TFPI: variants seen among roughly 807,000 people sequenced by gnomAD.
TFPI encodes tissue factor pathway inhibitor, also known as anti-convertin.
TFPI carries 15 observed loss-of-function variants against 34.6 expected under a neutral mutation model. The observed-to-expected ratio is 0.43, with a 90% CI of 0.29 to 0.67. The LOEUF is 0.67. Ranked by LOEUF, TFPI falls within the 30% of genes least tolerant of loss-of-function variation. The pLI, the probability that TFPI is intolerant of heterozygous loss-of-function variation, is 0.15. For synonymous variants in TFPI, 105 were observed against 120.1 expected (o/e 0.87, Z 0.82); for missense variants, 301 against 364.0 (o/e 0.83, Z 1.41).
At chr2:187,493,435 C>A (rs561101321) in intron 3 of TFPI, among the ~76,000 whole-genome samples, 63 of 152,254 alleles carry the variant, frequency 4.1e-4, no homozygotes, top group Middle Eastern at 3.4e-3. Flanking sequence ...AGAGCTGGCA[C>A]AAATGTCTCA....
chr2:187,526,224 G>A (rs754019986), intron 1 of TFPI, among the ~76,000 whole-genome samples: 2 of 152,046 alleles, frequency 1.3e-5, no homozygotes, highest in Non-Finnish European at 1.5e-5. Context: ...CACTGATTTG[G>A]AAAGAGTTTA....
At chr2:187,541,077 A>G (rs1426422521) in intron 1 of TFPI, among the ~76,000 whole-genome samples, 2 of 152,078 alleles carry the variant, frequency 1.3e-5, no homozygotes, top group Non-Finnish European at 2.9e-5. Flanking sequence ...TATCTTCTCC[A>G]TATTTCATAA....
rs551636512 is a variant in TFPI at position 187,492,195 on chromosome 2, A to C, written c.320-3820T>G. On this transcript the variant is annotated intron_variant, in intron 3 of 7. Transcript: ENST00000233156. The stretch of plus-strand genomic sequence containing the variant: ...TGGCTGTGCAGAACATTTTTAATTT[A>C]AGTTACTTGTGGATCAACTTCAATT... Among the ~76,000 whole-genome samples the C allele has an allele frequency of 2.6e-4, 39 of 152,230 alleles. No individual in the cohort carries two copies. The South Asian group carries it at 7.0e-3, about 28-fold the overall frequency.
At chr2:187,532,583 C>T (rs371885867) in intron 1 of TFPI, among the ~76,000 whole-genome samples, 1 of 152,330 alleles carries the variant, frequency 6.6e-6, no homozygotes, top group East Asian at 1.9e-4. Flanking sequence ...CTTTGCAACC[C>T]GCAGACCAGG....
intron 3 of TFPI, 41 bp downstream of exon 3, chr2:187,496,840 C>T (rs1323984924): frequency 6.4e-7 from 1 of 1,565,542 alleles, no homozygotes; most frequent in South Asian, 1.1e-5. Context: ...GACTCAATAG[C>T]CCTAAAGGGT....
intron 1 of TFPI, among the ~76,000 whole-genome samples, chr2:187,534,093 T>C (rs1294002490): frequency 1.3e-5 from 2 of 152,102 alleles, no homozygotes; most frequent in Non-Finnish European, 2.9e-5. Flanking sequence ...CCACATTTGA[T>C]TGGTGTACTT....
At chr2:187,518,263 T>C (rs1687140882) in intron 1 of TFPI, 2 of 152,270 alleles carry the variant, frequency 1.3e-5, no homozygotes, top group African/African-American at 4.8e-5. Flanking sequence ...TGGTATGTTT[T>C]TGCAGTGGCT....
chr2:187,506,661 G>T (rs2106135700), intron 1 of TFPI, among the ~76,000 whole-genome samples: 1 of 152,120 alleles, frequency 6.6e-6, no homozygotes, highest in Admixed American at 6.6e-5. Context: ...TACTGGTCAG[G>T]TATTTTGCAG....
At chr2:187,539,879 A>G (rs1008079284) in intron 1 of TFPI, among the ~76,000 whole-genome samples, 1 of 150,426 alleles carries the variant, frequency 6.6e-6, no homozygotes, top group Non-Finnish European at 1.5e-5. Context: ...CATCACAACC[A>G]CCACCCATTA....
intron 1 of TFPI, among the ~76,000 whole-genome samples, chr2:187,513,383 A>T (rs984522970): frequency 1.3e-5 from 2 of 152,232 alleles, no homozygotes; most frequent in Non-Finnish European, 1.5e-5. Flanking sequence ...AAGTTTTATG[A>T]AAACTAAGTT....
intron 6 of TFPI, among the ~76,000 whole-genome samples, chr2:187,472,991 T>C (rs575718625): frequency 1.3e-5 from 2 of 151,948 alleles, no homozygotes; most frequent in East Asian, 3.9e-4. Flanking sequence ...TCAGCCTGGG[T>C]AACAGAACAA....
At chr2:187,490,431 T>G (rs1318015264) in intron 3 of TFPI, among the ~76,000 whole-genome samples, 1 of 151,706 alleles carries the variant, frequency 6.6e-6, no homozygotes, top group Admixed American at 6.6e-5. Flanking sequence ...ACCATGCACA[T>G]AGGAATTAAG....
intron 1 of TFPI, among the ~76,000 whole-genome samples, chr2:187,505,396 C>T (rs1686140208): frequency 6.6e-6 from 1 of 152,078 alleles, no homozygotes; most frequent in Non-Finnish European, 1.5e-5. Flanking sequence ...AAATTTGGAT[C>T]ATCAGTTTAT....
intron 3 of TFPI, among the ~76,000 whole-genome samples, chr2:187,488,922 C>T (rs1358566561): frequency 6.6e-6 from 1 of 151,418 alleles, no homozygotes; most frequent in Non-Finnish European, 1.5e-5. Flanking sequence ...ATTTGATTAA[C>T]GGAATCATTT....
Position 187,488,317 on chromosome 2 carries a change from A to G in TFPI, c.358+20T>C. The G allele has an allele frequency of 6.4e-7, 1 of 1,550,754 alleles. No homozygotes were observed. The highest frequency in any genetic ancestry group is 2.2e-5 in the Admixed American group (1 of 44,610). ...TGCCTTACATAAATGCTTCAAATTT[A>G]CAGACAAATAAATGTTCACCTTGTT... On this transcript the variant is annotated intron_variant, in intron 4 of 7. Transcript: ENST00000233156.
chr2:187,494,710 A>G (rs915483440), intron 3 of TFPI, among the ~76,000 whole-genome samples: 1 of 152,116 alleles, frequency 6.6e-6, no homozygotes, highest in African/African-American at 2.4e-5. Context: ...TCAGACATTC[A>G]TACAATAATT....
chr2:187,471,040 C>T (rs1046058684), intron 6 of TFPI, among the ~76,000 whole-genome samples: 1 of 152,098 alleles, frequency 6.6e-6, no homozygotes, highest in Non-Finnish European at 1.5e-5. Flanking sequence ...GGCAATATTT[C>T]GATAGTGCAT....
chr2:187,511,987 G>C (rs186064936), intron 1 of TFPI, among the ~76,000 whole-genome samples: 94 of 152,116 alleles, frequency 6.2e-4, no homozygotes, highest in African/African-American at 2.0e-3. Flanking sequence ...TAAAAGCCAA[G>C]GTAAATTTAA....
intron 1 of TFPI, among the ~76,000 whole-genome samples, chr2:187,531,752 A>G (rs1408975770): frequency 6.6e-6 from 1 of 152,150 alleles, no homozygotes; most frequent in Non-Finnish European, 1.5e-5. Context: ...TTTTTCATGT[A>G]AGTGATACAT....
Sources: allele counts gnomAD v4.1 joint callset (sites outside exome capture counted in the v4.1 genomes callset), GRCh38; gene constraint gnomAD v4.1.1; transcripts MANE v1.5; gene names NCBI Gene and HGNC (gene_info 2026-07-23, HGNC 2026-07-21).